The following TRAK1 variants were observed in gnomAD, a reference collection of about 807,000 sequenced individuals.
TRAK1 encodes trafficking kinesin-binding protein 1.
Under a neutral mutation model 92.1 loss-of-function variants are expected in TRAK1, and 33 were observed. That is an observed-to-expected ratio of 0.36 (90% confidence interval 0.27 to 0.48). The LOEUF is 0.48. TRAK1 is among the 20% of genes least tolerant of loss of function. TRAK1 has a pLI of 0.99. For synonymous variants in TRAK1, 521 were observed against 517.3 expected, an observed-to-expected ratio of 1.01 and a Z score of -0.10; for missense variants, 1,123 against 1,257.9, an observed-to-expected ratio of 0.89 and a Z score of 1.62.
chr3:42,060,274 C>T (rs1297259557), intron 1 of TRAK1, among the ~76,000 whole-genome samples: 1 of 129,778 alleles, frequency 7.7e-6, no homozygotes, highest in Non-Finnish European at 1.6e-5. Flanking sequence ...AAGGGGATGC[C>T]GAGGGGTTGA....
upstream of TRAK1, chr3:42,090,956 C>T (rs926489085): frequency 1.9e-5 from 3 of 155,508 alleles, no homozygotes; most frequent in East Asian, 1.9e-4. Context: ...GAAAGGAAGA[C>T]ATTAAATGGA....
chr3:42,165,366 A>T (rs77899155), intron 2 of TRAK1, among the ~76,000 whole-genome samples: 8,907 of 152,276 alleles, frequency 0.058, 271 homozygotes, highest in Middle Eastern at 0.085. Flanking sequence ...CAGTGGTGGG[A>T]ACCCAGAGCC....
At chr3:42,100,556 G>A (rs1369103908) in intron 1 of TRAK1, among the ~76,000 whole-genome samples, 1 of 152,214 alleles carries the variant, frequency 6.6e-6, no homozygotes, top group African/African-American at 2.4e-5. Flanking sequence ...ATAGCCAAGT[G>A]TGGCCATGTT....
chr3:42,159,991 G>A (rs902298357), intron 2 of TRAK1, among the ~76,000 whole-genome samples: 1 of 152,204 alleles, frequency 6.6e-6, no homozygotes, highest in African/African-American at 2.4e-5. Context: ...TTGCTGCTGG[G>A]GGAGGAAAGG....
chr3:42,195,907 C>T (rs571483384), intron 10 of TRAK1, among the ~76,000 whole-genome samples: 41 of 152,286 alleles, frequency 2.7e-4, no homozygotes, highest in African/African-American at 9.9e-4. Flanking sequence ...TGTAGCTTTG[C>T]AGGCTCCTTA....
At position 42,021,253 on chromosome 3, in the gene TRAK1, A is replaced by G. The variant is rs1701711674; in HGVS notation, c.-519+7136A>G. ...TTTACTGGCTTTCTTAGTAGAGAAT[A>G]AAAGAGTGTCACCTAGACAGTGAGC... On this transcript the variant is annotated intron_variant, in intron 1 of 16. Transcript: ENST00000487159. Among the ~76,000 whole-genome samples the G allele has an allele frequency of 2.6e-5, 4 of 152,186 alleles. No homozygotes were observed. In the South Asian group the frequency reaches 8.3e-4, roughly 31 times the overall value.
At chr3:42,216,677 T>C (rs1462639195) in intron 14 of TRAK1, among the ~76,000 whole-genome samples, 2 of 152,234 alleles carry the variant, frequency 1.3e-5, no homozygotes, top group African/African-American at 2.4e-5. Flanking sequence ...TATCACATTT[T>C]GTACCAGTGT....
chr3:42,184,312 C>G (rs576923214), intron 3 of TRAK1, among the ~76,000 whole-genome samples: 1 of 152,222 alleles, frequency 6.6e-6, no homozygotes, highest in Non-Finnish European at 1.5e-5. Flanking sequence ...TTCCCTGTGC[C>G]GGGCCCTGGC....
intron 2 of TRAK1, among the ~76,000 whole-genome samples, chr3:42,126,903 A>G (rs956980923): frequency 2.0e-5 from 3 of 152,244 alleles, no homozygotes; most frequent in African/African-American, 7.2e-5. Context: ...CATAAACCCT[A>G]CAGAGTCTTT....
At chr3:42,103,229 G>A (rs990549579) in intron 1 of TRAK1, among the ~76,000 whole-genome samples, 4 of 152,098 alleles carry the variant, frequency 2.6e-5, no homozygotes, top group East Asian at 3.9e-4. Context: ...GTGCGGTGGC[G>A]TGATCTTGGC....
At chr3:42,145,996 A>G (rs1295071272) in intron 2 of TRAK1, 2 of 352,264 alleles carry the variant, frequency 5.7e-6, no homozygotes, top group Non-Finnish European at 5.5e-6. Flanking sequence ...CAACAGTACA[A>G]TGAAATGTTC....
At chr3:42,103,838 A>G (rs1707151067) in intron 1 of TRAK1, among the ~76,000 whole-genome samples, 1 of 152,190 alleles carries the variant, frequency 6.6e-6, no homozygotes, top group Admixed American at 6.5e-5. Flanking sequence ...GGCTTGTCAG[A>G]CAGTGGGTGC....
intron 10 of TRAK1, among the ~76,000 whole-genome samples, chr3:42,196,998 TCTCTCACACACACA>T (rs1040790296): frequency 5.3e-5 from 5 of 94,760 alleles, no homozygotes; most frequent in African/African-American, 2.0e-4. Context: ...TCTCTCTCTC[TCTCTCACACACACA>T]CACACACACA....
At chr3:42,210,076 C>T (rs1192828938) in intron 14 of TRAK1, 91 bp downstream of exon 14, 1 of 1,596,182 alleles carries the variant, frequency 6.3e-7, no homozygotes, top group Non-Finnish European at 8.5e-7. Context: ...CAGGAGCCGC[C>T]AGCGGCCACG....
chr3:42,194,222 G>A (rs960367904), intron 9 of TRAK1, among the ~76,000 whole-genome samples: 6 of 152,134 alleles, frequency 3.9e-5, no homozygotes, highest in Non-Finnish European at 7.4e-5. Flanking sequence ...TGAAACATGG[G>A]TGTGACGATT....
chr3:42,066,654 T>C (rs192428468), intron 1 of TRAK1, among the ~76,000 whole-genome samples: 2 of 152,276 alleles, frequency 1.3e-5, no homozygotes, highest in East Asian at 3.9e-4. Context: ...GCCTGTGTGT[T>C]TCCTGTTTTC....
At chr3:42,203,448 T>A (rs1402061515) in intron 13 of TRAK1, 1 of 984,234 alleles carries the variant, frequency 1.0e-6, no homozygotes, top group East Asian at 1.1e-4. Context: ...ATTAAACTCA[T>A]GGGAAAAACT....
upstream of TRAK1, chr3:42,087,061 C>T (rs1232893005): frequency 6.6e-6 from 1 of 152,324 alleles, no homozygotes; most frequent in African/African-American, 2.4e-5. Context: ...CCAGGTTTAT[C>T]GATAGACTCT....
intron 1 of TRAK1, among the ~76,000 whole-genome samples, chr3:42,067,146 A>G (rs1703716056): frequency 6.6e-6 from 1 of 152,198 alleles, no homozygotes; most frequent in Non-Finnish European, 1.5e-5. Context: ...TAAGTCTAGA[A>G]TCTGACTTTT....
Sources: allele counts gnomAD v4.1 joint callset (sites outside exome capture counted in the v4.1 genomes callset), GRCh38; gene constraint gnomAD v4.1.1; transcripts MANE v1.5; gene names NCBI Gene and HGNC (gene_info 2026-07-23, HGNC 2026-07-21).